Variants in SEMA4D observed in about 807,000 individuals in gnomAD.
SEMA4D encodes semaphorin-4D.
SEMA4D carries 22 observed loss-of-function variants against 74.8 expected under a neutral mutation model. The observed-to-expected ratio is 0.29, with a 90% CI of 0.21 to 0.42. The LOEUF (loss-of-function observed/expected upper bound fraction) is 0.42, where lower values mean the gene tolerates loss of function less well. Ranked by LOEUF, SEMA4D falls within the 10% of genes least tolerant of loss-of-function variation. The pLI is 1.00. For missense variants in SEMA4D, 937 were observed against 1,118.4 expected (o/e 0.84, Z 2.31); for synonymous variants, 445 against 463.7 (o/e 0.96, Z 0.52).
intron 1 of SEMA4D, among the ~76,000 whole-genome samples, chr9:89,488,352 CTTT>C (rs1158168446): frequency 1.6e-4 from 10 of 62,618 alleles, no homozygotes; most frequent in African/African-American, 3.2e-4. Context: ...GATCACAGAT[CTTT>C]TTTTTTTTTT....
chr9:89,365,935 G>A (rs540098906), intron 16 of SEMA4D, among the ~76,000 whole-genome samples: 4 of 152,154 alleles, frequency 2.6e-5, no homozygotes, highest in Non-Finnish European at 5.9e-5. Flanking sequence ...CCGGTCTCTT[G>A]GTCAACAATT....
At chr9:89,369,080 C>A (rs1485111115) in intron 16 of SEMA4D, 1 of 152,264 alleles carries the variant, frequency 6.6e-6, no homozygotes, top group African/African-American at 2.4e-5. Flanking sequence ...GTTGATAGCA[C>A]CACCTTGTCC....
chr9:89,391,433 T>C lies in SEMA4D; in HGVS notation c.623-18A>G. 2 of 1,613,920 alleles carry C rather than the reference T, an allele frequency of 1.2e-6. No individual in the cohort carries two copies. Among genetic ancestry groups the C allele is most frequent in the Non-Finnish European group, 1.7e-6 (2 of 1,179,902 alleles). On this transcript the variant is annotated intron_variant, in intron 8 of 15. Transcript: ENST00000422704. The stretch of plus-strand genomic sequence containing the variant: ...ACTAGGCTCTGCAGAGAGAGGACAG[T>C]GATTATCCCAGAACACAGAGCTGGG...
chr9:89,408,566 G>A (rs1843795055), intron 2 of SEMA4D, among the ~76,000 whole-genome samples: 1 of 152,226 alleles, frequency 6.6e-6, no homozygotes, highest in South Asian at 2.1e-4. Flanking sequence ...GCCAGTGAGA[G>A]CCAGAAGTGA....
At chr9:89,375,895 G>C (rs888731677), downstream of SEMA4D, among the ~76,000 whole-genome samples, 3 of 152,204 alleles carry the variant, frequency 2.0e-5, no homozygotes, top group African/African-American at 7.2e-5. Context: ...ACAGGGTCTT[G>C]TTCTGTGATC....
At chr9:89,368,574 G>C (rs1834052048) in intron 16 of SEMA4D, 1 of 152,402 alleles carries the variant, frequency 6.6e-6, no homozygotes, top group African/African-American at 2.4e-5. Context: ...CTCTGTTGAA[G>C]TCACAGAGTA....
At chr9:89,477,618 G>A (rs918713044) in intron 1 of SEMA4D, among the ~76,000 whole-genome samples, 6 of 152,304 alleles carry the variant, frequency 3.9e-5, no homozygotes, top group South Asian at 4.1e-4. Context: ...GCGACTTTGG[G>A]GAAACACCCC....
chr9:89,462,664 G>T (rs535257631), intron 1 of SEMA4D, among the ~76,000 whole-genome samples: 1 of 152,150 alleles, frequency 6.6e-6, no homozygotes, highest in Admixed American at 6.5e-5. Flanking sequence ...AGCTGTCCCA[G>T]CCAGATGCAG....
chr9:89,485,541 C>A (rs1825113968), intron 1 of SEMA4D, among the ~76,000 whole-genome samples: 1 of 152,122 alleles, frequency 6.6e-6, no homozygotes, highest in Non-Finnish European at 1.5e-5. Context: ...GTAATCCTAG[C>A]ACTTTGGGAG....
At chr9:89,399,847 A>T (rs1227383595) in intron 4 of SEMA4D, among the ~76,000 whole-genome samples, 1 of 151,786 alleles carries the variant, frequency 6.6e-6, no homozygotes, top group Non-Finnish European at 1.5e-5. Context: ...AAAATACAAA[A>T]ATTATCTGGG....
At chr9:89,485,788 CAAAAAAAAAAAA>C (rs56056536) in intron 1 of SEMA4D, among the ~76,000 whole-genome samples, 3 of 76,840 alleles carry the variant, frequency 3.9e-5, no homozygotes, top group Non-Finnish European at 7.3e-5. Context: ...AACTCCATCT[CAAAAAAAAAAAA>C]AAAAAAAAAA....
chr9:89,449,965 CAG>C (rs1664230224), intron 2 of SEMA4D: 1 of 1,540,560 alleles, frequency 6.5e-7, no homozygotes, highest in Admixed American at 1.7e-5. Flanking sequence ...ACCCAAGTAA[CAG>C]GGAGGAAAGC....
intron 2 of SEMA4D, among the ~76,000 whole-genome samples, chr9:89,442,092 C>T (rs139267281): frequency 6.0e-4 from 89 of 147,682 alleles, no homozygotes; most frequent in Non-Finnish European, 9.7e-4. Flanking sequence ...CTGATCACCC[C>T]TCCCCATCAT....
chr9:89,493,117 C>T (rs1409130797), intron 1 of SEMA4D, among the ~76,000 whole-genome samples: 3 of 152,126 alleles, frequency 2.0e-5, no homozygotes, highest in Non-Finnish European at 4.4e-5. Context: ...TTGGGAGGGC[C>T]CTGAAAGGTA....
chr9:89,383,873 CCT>C (rs778930642), intron 13 of SEMA4D, among the ~76,000 whole-genome samples: 11 of 152,198 alleles, frequency 7.2e-5, no homozygotes, highest in South Asian at 2.1e-4. Context: ...CTCGACGCCC[CCT>C]GTCTCCGCCT....
At chr9:89,417,329 G>A (rs1474685518) in intron 2 of SEMA4D, among the ~76,000 whole-genome samples, 1 of 152,206 alleles carries the variant, frequency 6.6e-6, no homozygotes, top group Non-Finnish European at 1.5e-5. Flanking sequence ...AGAAAGTGCT[G>A]TCTCCCTGGC....
At chr9:89,379,720 T>C in intron 15 of SEMA4D, 91 bp from the exon 16 acceptor site, 3 of 1,398,452 alleles carry the variant, frequency 2.1e-6, no homozygotes, top group Non-Finnish European at 2.9e-6. Context: ...GACGCAAGAG[T>C]TTCACCCACT....
chr9:89,411,794 CCCT>C (rs1844580026), intron 2 of SEMA4D, among the ~76,000 whole-genome samples: 1 of 152,192 alleles, frequency 6.6e-6, no homozygotes. Flanking sequence ...GAGCCTGGGT[CCCT>C]AGGGCAGCCA....
intron 2 of SEMA4D, among the ~76,000 whole-genome samples, chr9:89,422,567 C>T (rs1456622629): frequency 1.3e-5 from 2 of 152,270 alleles, no homozygotes; most frequent in Non-Finnish European, 2.9e-5. Context: ...CCCCGAGCAC[C>T]ATGCGTGCGC....
Sources: gnomAD v4.1 joint callset for allele counts (sites outside exome capture counted in the v4.1 genomes callset) on GRCh38, gnomAD v4.1.1 for gene constraint, MANE v1.5 for transcripts, NCBI Gene and HGNC (gene_info 2026-07-23, HGNC 2026-07-21) for gene names.